Variants in CHDH observed in about 807,000 individuals in gnomAD.
CHDH encodes the protein choline dehydrogenase.
CHDH carries 43 observed loss-of-function variants against 56.9 expected under a neutral mutation model. The ratio of observed to expected loss-of-function variants is 0.76; its 90% confidence interval spans 0.59 to 0.97. The LOEUF is 0.97. CHDH is among the 50% of genes least tolerant of loss of function. The probability of loss-of-function intolerance (pLI) is 0.00; values close to 1 mark genes in which losing one functional copy is unlikely to be tolerated. For synonymous variants in CHDH, 364 were observed against 348.5 expected, an observed-to-expected ratio of 1.04 and a Z score of -0.50; for missense variants, 816 against 821.1, an observed-to-expected ratio of 0.99 and a Z score of 0.08.
chr3:53,844,343 C>G (rs1698783361), intron 1 of CHDH, among the ~76,000 whole-genome samples: 1 of 152,132 alleles, frequency 6.6e-6, no homozygotes, highest in Admixed American at 6.5e-5. Flanking sequence ...TTACAAAACC[C>G]CCTCCCCTAT....
Position 53,819,048 on chromosome 3 carries a change from A to G in CHDH, c.1264-8T>C. On this transcript the variant is annotated splice_region_variant and splice_polypyrimidine_tract_variant and intron_variant, in intron 7 of 8. Transcript: ENST00000315251. This position sits in a 1 kb window ranked among gnomAD's most constrained non-coding sequence, Gnocchi z 5.4. ...CATGGGCCCCACATGTACCTAGAAG[A>G]ACACAGAGGAAGCAGTGACGGTCCC... The G allele has an allele frequency of 6.3e-7, 1 of 1,591,554 alleles. No individual in the cohort carries two copies. Among genetic ancestry groups the G allele is most frequent in the South Asian group, 1.1e-5 (1 of 90,336 alleles).
chr3:53,833,045 T>C (rs1698385986), intron 2 of CHDH, among the ~76,000 whole-genome samples: 1 of 152,226 alleles, frequency 6.6e-6, no homozygotes. Context: ...GAGGCATTCC[T>C]GGGGGTTTTC....
Position 53,815,902 on chromosome 3 carries a change from G to A in CHDH, c.*1875C>T, listed in dbSNP as rs1408170190. The stretch of plus-strand genomic sequence containing the variant: ...CAGCCCCGAGACCCAGGTGACTGAT[G>A]GCCATGGACTGCTGCTGTGGGGCAG... On this transcript the variant is annotated 3_prime_UTR_variant, in exon 9 of 9. Coordinates refer to ENST00000315251, the MANE Select transcript of CHDH (RefSeq NM_018397.5). The A allele has an allele frequency of 6.6e-6, 1 of 152,242 alleles. No homozygotes were observed. Among genetic ancestry groups the A allele is most frequent in the Non-Finnish European group, 1.5e-5 (1 of 68,058 alleles). 9.4% of individuals were successfully genotyped at this position (152,242 alleles called of 1,614,324 possible).
In CHDH at chr3:53,822,362, TCCC is replaced by T. The variant is rs1053283855; in HGVS notation, c.855+126_855+128del. On this transcript the variant is annotated intron_variant, in intron 4 of 8. Transcript: ENST00000315251. ...CCCACTGCCATCAGCTACTCGCCCCTCCCCCCGCCATCACAGGGATGAGCACGT... is the reference window on the plus strand; with the variant it reads ...CCCACTGCCATCAGCTACTCGCCCCTCCCGCCATCACAGGGATGAGCACGT... 2.1e-5 allele frequency: 18 copies of T among 847,140 alleles called. No individual in the cohort carries two copies. In the Admixed American group the frequency reaches 4.6e-4, roughly 22 times the overall value. The allele number at this position is 847,140 out of a possible 1,614,324, so 52.5% of individuals were successfully genotyped here.
rs2095618169 is a variant in CHDH, at chr3:53,817,666, C to T, written c.*111G>A. 4 of 864,936 alleles carry T rather than the reference C, an allele frequency of 4.6e-6. No individual in the cohort carries two copies. The highest frequency in any genetic ancestry group is 7.0e-6 in the Non-Finnish European group (4 of 571,220). 53.6% of individuals were successfully genotyped at this position (864,936 alleles called of 1,614,324 possible). A position where few individuals can be genotyped will look rare whatever the true frequency, so the allele number is the denominator to read the frequency against. ...TCTCAGCCACTGAGTAGGGTACCACCTGGGTCCTAGTGTGCTAGATAGTTT... is the reference window on the plus strand; with the variant it reads ...TCTCAGCCACTGAGTAGGGTACCACTTGGGTCCTAGTGTGCTAGATAGTTT... On this transcript the variant is annotated 3_prime_UTR_variant, in exon 9 of 9. Coordinates refer to ENST00000315251, the MANE Select transcript of CHDH (RefSeq NM_018397.5).
chr3:53,823,637 G>C lies in CHDH; in HGVS notation c.372C>G (p.Arg124=). The C allele has an allele frequency of 1.3e-6, 2 of 1,544,306 alleles. No individual in the cohort carries two copies. The highest frequency in any genetic ancestry group is 1.7e-6 in the Non-Finnish European group (2 of 1,146,238). The change falls in exon 3 of 9, where the codon CGC becomes CGG. Residue 124 remains arginine, a synonymous_variant. Transcript: ENST00000315251. ...ATGAGGAGCCACCCCAGACGCGGCC[G>C]CGTGGCCAGTACAGCACGCGGCCGT... ...GLDGRVLYWP[R]GRVWGGSSSL...
Position 53,823,816 on chromosome 3 carries a change from C to G in CHDH, c.193G>C (p.Glu65Gln). 1.9e-6 allele frequency: 3 copies of G among 1,585,608 alleles called. No homozygotes were observed. The highest frequency in any genetic ancestry group is 2.6e-6 in the Non-Finnish European group (3 of 1,172,088). ...CCGGCCTCCAGCAGCAGCACGCGCT[C>G]GGCGGGGTCCTCCGTGAGCCTCCCA... ...LAGRLTEDPAERVLLLEAGPK... is the reference protein window; with the variant it reads ...LAGRLTEDPAQRVLLLEAGPK... The change falls in exon 3 of 9, where the codon GAG becomes CAG. Residue 65 changes from glutamate to glutamine, a missense_variant. Coordinates refer to ENST00000315251, the MANE Select transcript of CHDH (RefSeq NM_018397.5).
Position 53,823,835 on chromosome 3 carries a change from C to T in CHDH, c.174G>A (p.Arg58=), listed in dbSNP as rs1219439835. 12 of 1,585,680 alleles carry T rather than the reference C, an allele frequency of 7.6e-6. No homozygotes were observed. The highest frequency in any genetic ancestry group is 9.4e-6 in the Non-Finnish European group (11 of 1,173,438). The change falls in exon 3 of 9, where the codon AGG becomes AGA. Residue 58 remains arginine (R), a synonymous_variant. Transcript: ENST00000315251. ...AGSAGCVLAG[R]LTEDPAERVL... is the part of the protein sequence containing the mutation. The stretch of plus-strand genomic sequence containing the variant: ...CGCGCTCGGCGGGGTCCTCCGTGAG[C>T]CTCCCAGCCAGCACGCAGCCCGCCG...
At chr3:53,820,418 G>A in intron 6 of CHDH, 56 bp downstream of exon 6, 2 of 1,556,046 alleles carry the variant, frequency 1.3e-6, no homozygotes, top group Admixed American at 1.9e-5. Flanking sequence ...TCCTCAGGAA[G>A]GAGGTCTCAA....
In CHDH at chr3:53,820,672, C is replaced by A. The variant is rs1259775367; in HGVS notation, c.986-64G>T. 6.4e-6 allele frequency: 10 copies of A among 1,557,298 alleles called. No homozygotes were observed. In the South Asian group the frequency reaches 7.4e-5, roughly 11 times the overall value. ...GGGGGCTCAGCTGCTTCTCAATATC[C>A]CCCCGGTTTTGAAAAATTCTTTCCT... On this transcript the variant is annotated intron_variant, in intron 5 of 8. Transcript: ENST00000315251.
chr3:53,835,632 C>T (rs1217303876), intron 2 of CHDH, among the ~76,000 whole-genome samples: 1 of 152,212 alleles, frequency 6.6e-6, no homozygotes, highest in African/African-American at 2.4e-5. Flanking sequence ...ACAAGATTCC[C>T]TACATGCTAG....
Position 53,815,467 on chromosome 3 carries a change from T to TA in CHDH, c.*2309dup, listed in dbSNP as rs769087963. ...GCTCAGGTTCTGGACATGTGACACT[T>TA]ACCATCTTTTCTTTTAAACCTCATT... On this transcript the variant is annotated 3_prime_UTR_variant, in exon 9 of 9. Transcript: ENST00000315251. The TA allele has an allele frequency of 7.9e-5, 12 of 152,350 alleles. No homozygotes were observed. Among genetic ancestry groups the TA allele is most frequent in the African/African-American group, 2.6e-4 (11 of 41,574 alleles). The allele number at this position is 152,350 out of a possible 1,614,324, so 9.4% of individuals were successfully genotyped here.
At chr3:53,845,130 C>T (rs1698818120) in intron 1 of CHDH, among the ~76,000 whole-genome samples, 1 of 152,218 alleles carries the variant, frequency 6.6e-6, no homozygotes, top group Non-Finnish European at 1.5e-5. Context: ...CTCAGGGTGG[C>T]CCAGTCCCAG....
In CHDH at chr3:53,822,532, C is replaced by T. The variant is rs771999374; in HGVS notation, c.814G>A (p.Ala272Thr). ...TTCTTGACATACTCCACGCCCACTG[C>T]ACGGGTGCCCTCAAATAGCACCCTG... ...VSRVLFEGTRAVGVEYVKNGQ... is the reference protein window; with the variant it reads ...VSRVLFEGTRTVGVEYVKNGQ... Residue 272 changes from alanine (A) to threonine (T), a missense_variant, in exon 4 of 9, where the codon GCA (alanine) becomes ACA (threonine). Coordinates refer to ENST00000315251, the MANE Select transcript of CHDH (RefSeq NM_018397.5). 9.9e-6 allele frequency: 16 copies of T among 1,613,598 alleles called. No homozygotes were observed. The highest frequency in any genetic ancestry group is 1.3e-5 in the Non-Finnish European group (15 of 1,179,976).
chr3:53,838,778 C>T (rs564732060), intron 2 of CHDH, among the ~76,000 whole-genome samples: 11 of 152,284 alleles, frequency 7.2e-5, no homozygotes, highest in East Asian at 1.9e-4. Context: ...ACTCAATAAA[C>T]GCTTGTCATG....
At chr3:53,820,446 C>T in intron 6 of CHDH, 28 bp downstream of exon 6, 2 of 1,594,788 alleles carry the variant, frequency 1.3e-6, no homozygotes, top group South Asian at 2.3e-5. Flanking sequence ...AGGCAGTCTC[C>T]TCCCAGGTTA....
rs569539606 is a variant in CHDH at position 53,814,155 on chromosome 3, T to A, written c.*3622A>T. On this transcript the variant is annotated 3_prime_UTR_variant, in exon 9 of 9. Coordinates refer to ENST00000315251, the MANE Select transcript of CHDH (RefSeq NM_018397.5). The stretch of plus-strand genomic sequence containing the variant: ...GGACCAGGGGCACCACTTGCTTTCC[T>A]GCTGACCCTGCTATGAGAAAAACTG... The A allele has an allele frequency of 5.3e-5, 8 of 152,368 alleles. No individual in the cohort carries two copies. Among genetic ancestry groups the A allele is most frequent in the African/African-American group, 1.9e-4 (8 of 41,590 alleles). The allele number at this position is 152,368 out of a possible 1,614,324, so 9.4% of individuals were successfully genotyped here. A position where few individuals can be genotyped will look rare whatever the true frequency, so the allele number is the denominator to read the frequency against.
intron 5 of CHDH, among the ~76,000 whole-genome samples, chr3:53,821,366 C>T (rs2095626044): frequency 6.6e-6 from 1 of 152,014 alleles, no homozygotes; most frequent in East Asian, 1.9e-4. Flanking sequence ...CATGCCCGAC[C>T]CAGTGGGGCT....
chr3:53,834,319 A>G (rs983902234), intron 2 of CHDH, among the ~76,000 whole-genome samples: 1 of 152,152 alleles, frequency 6.6e-6, no homozygotes, highest in South Asian at 2.1e-4. Flanking sequence ...ATAATAAGGC[A>G]TCTGTAATCC....
Sources: allele counts gnomAD v4.1 joint callset (sites outside exome capture counted in the v4.1 genomes callset), GRCh38; gene constraint gnomAD v4.1.1; non-coding constraint Gnocchi (gnomAD v3.1); transcripts MANE v1.5; gene names NCBI Gene and HGNC (gene_info 2026-07-23, HGNC 2026-07-21).